The following PLCG2 variants were observed in gnomAD, a reference collection of about 807,000 sequenced individuals.
PLCG2 encodes the protein phospholipase C gamma 2.
Under a neutral mutation model 175.6 loss-of-function variants are expected in PLCG2, and 69 were observed. The observed-to-expected ratio is 0.39, with a 90% CI of 0.32 to 0.48. PLCG2 has a LOEUF of 0.48. Ranked by LOEUF, PLCG2 falls within the 20% of genes least tolerant of loss-of-function variation. The pLI is 0.91. For missense variants in PLCG2, 1,798 were observed against 1,650.9 expected (o/e 1.09, Z -1.54); for synonymous variants, 827 against 624.0 (o/e 1.33, Z -4.85).
At chr16:81,835,782 G>A (rs72832055) in intron 2 of PLCG2, among the ~76,000 whole-genome samples, 42,761 of 151,948 alleles carry the variant, frequency 0.28, 7,206 homozygotes, top group East Asian at 0.58. Context: ...CAGTGCTCCC[G>A]CTGGAGGCTC....
intron 5 of PLCG2, among the ~76,000 whole-genome samples, chr16:81,860,115 G>T (rs11642412): frequency 6.7e-6 from 1 of 149,360 alleles, no homozygotes; most frequent in Non-Finnish European, 1.5e-5. Context: ...GGAACTACAG[G>T]TGTGTTTCAC....
At chr16:81,885,590 T>C (rs565452882) in intron 9 of PLCG2, among the ~76,000 whole-genome samples, 113 of 152,216 alleles carry the variant, frequency 7.4e-4, no homozygotes, top group African/African-American at 2.6e-3. Flanking sequence ...ATTTTGTTTG[T>C]AAATACTTCT....
chr16:81,886,042 T>C (rs546964519), intron 9 of PLCG2, among the ~76,000 whole-genome samples: 2 of 152,302 alleles, frequency 1.3e-5, no homozygotes, highest in South Asian at 2.1e-4. Flanking sequence ...TGCACTTTTT[T>C]CCCTTCATTA....
At chr16:81,829,785 C>T (rs937385483) in intron 2 of PLCG2, among the ~76,000 whole-genome samples, 1 of 152,186 alleles carries the variant, frequency 6.6e-6, no homozygotes, top group East Asian at 1.9e-4. Context: ...TCCTGCTGGG[C>T]ATTTGTGCTG....
chr16:81,848,442 G>A (rs1457386689), intron 2 of PLCG2, among the ~76,000 whole-genome samples: 2 of 152,166 alleles, frequency 1.3e-5, no homozygotes. Flanking sequence ...TAGAATGGCT[G>A]TTAGAATTTC....
At chr16:81,839,013 T>A (rs192384024) in intron 2 of PLCG2, among the ~76,000 whole-genome samples, 2 of 152,162 alleles carry the variant, frequency 1.3e-5, no homozygotes, top group Non-Finnish European at 2.9e-5. Flanking sequence ...CCTTTATGAC[T>A]CACAGAACCA....
chr16:81,776,977 T>C (rs962319820), upstream of PLCG2, among the ~76,000 whole-genome samples: 2 of 152,114 alleles, frequency 1.3e-5, no homozygotes, highest in African/African-American at 4.8e-5. Context: ...GGGCTAGGGG[T>C]TGGTTAGCAA....
At chr16:81,742,809 C>A (rs1169608892) in intron 1 of PLCG2, among the ~76,000 whole-genome samples, 1 of 152,212 alleles carries the variant, frequency 6.6e-6, no homozygotes, top group Non-Finnish European at 1.5e-5. Context: ...TCCTCAGGTT[C>A]TGGGACCCAG....
chr16:81,790,525 C>G (rs1911183818), intron 2 of PLCG2, among the ~76,000 whole-genome samples: 1 of 152,178 alleles, frequency 6.6e-6, no homozygotes, highest in African/African-American at 2.4e-5. Flanking sequence ...CGTTTTATCT[C>G]AAGAAGAACT....
intron 7 of PLCG2, among the ~76,000 whole-genome samples, chr16:81,874,933 G>C (rs571215580): frequency 2.5e-4 from 30 of 120,838 alleles, no homozygotes; most frequent in African/African-American, 8.7e-4. Context: ...CTATTTGCTA[G>C]GCACTATCCT....
intron 2 of PLCG2, 105 bp from the exon 3 acceptor site, chr16:81,854,339 T>G: frequency 1.0e-6 from 1 of 1,004,156 alleles, no homozygotes; most frequent in Non-Finnish European, 1.5e-6. Context: ...GGGATCCTGT[T>G]GGGGAAGGAA....
At chr16:81,743,507 C>T (rs1909640989) in intron 1 of PLCG2, among the ~76,000 whole-genome samples, 1 of 152,220 alleles carries the variant, frequency 6.6e-6, no homozygotes, top group African/African-American at 2.4e-5. Context: ...AGGGACATTT[C>T]CGGAGCCAGA....
intron 13 of PLCG2, among the ~76,000 whole-genome samples, chr16:81,897,482 G>A (rs999009176): frequency 5.3e-5 from 8 of 151,966 alleles, no homozygotes; most frequent in African/African-American, 1.9e-4. Context: ...CCTGCACCTG[G>A]CATAGAGTAA....
intron 1 of PLCG2, among the ~76,000 whole-genome samples, chr16:81,782,654 G>A (rs72834728): frequency 0.1 from 15,717 of 151,862 alleles, 1,093 homozygotes; most frequent in South Asian, 0.28. Flanking sequence ...AGGGCATTTC[G>A]TGAGATACAA....
intron 1 of PLCG2, among the ~76,000 whole-genome samples, chr16:81,753,406 T>C (rs531770571): frequency 1.3e-5 from 2 of 150,864 alleles, no homozygotes; most frequent in South Asian, 4.2e-4. Flanking sequence ...ATTTACCATT[T>C]TGACCATTTA....
At chr16:81,761,017 C>G (rs1910030835) in intron 2 of PLCG2, among the ~76,000 whole-genome samples, 2 of 152,152 alleles carry the variant, frequency 1.3e-5, no homozygotes, top group Non-Finnish European at 2.9e-5. Context: ...GATTCTCCTA[C>G]TTCTCAGTAG....
At chr16:81,955,015 T>C (rs1325876609) in intron 31 of PLCG2, among the ~76,000 whole-genome samples, 1 of 152,168 alleles carries the variant, frequency 6.6e-6, no homozygotes, top group Admixed American at 6.5e-5. Context: ...TTTCCTGACT[T>C]TTTAATATGC....
rs762731399 is a variant in PLCG2, at chr16:81,939,957, C to A, written c.3379C>A (p.Pro1127Thr). The change falls in exon 30 of 33, where the codon CCA becomes ACA. Residue 1127 changes from proline (P) to threonine (T), a missense_variant. Physicochemically the swap from Pro to Thr is conservative, Grantham distance 38 (BLOSUM62 -1). Transcript: ENST00000564138. ...QEKVTFEIYD[P>T]NLAFLRFVVY... ...GAAGGTGACATTTGAAATTTATGACCCAAACCTGGCATTTCTGCGCTTTGT... is the reference window on the plus strand; with the variant it reads ...GAAGGTGACATTTGAAATTTATGACACAAACCTGGCATTTCTGCGCTTTGT... The A allele has an allele frequency of 2.5e-6, 4 of 1,613,706 alleles. No homozygotes were observed. The highest frequency in any genetic ancestry group is 3.4e-6 in the Non-Finnish European group (4 of 1,179,724).
At position 81,912,542 on chromosome 16, in the gene PLCG2, C is replaced by T; in HGVS notation, c.1935-55C>T. The stretch of plus-strand genomic sequence containing the variant: ...ATTATCTTGTCCTCTGCGGGTGGCC[C>T]ACTGACAGCCTGGAGACCGCTCACC... On this transcript the variant is annotated intron_variant, in intron 18 of 32. Transcript: ENST00000564138. 3.1e-6 allele frequency: 5 copies of T among 1,599,610 alleles called. No homozygotes were observed. The South Asian group carries it at 5.7e-5, about 18-fold the overall frequency.
Sources: gnomAD v4.1 joint callset for allele counts (sites outside exome capture counted in the v4.1 genomes callset) on GRCh38, gnomAD v4.1.1 for gene constraint, MANE v1.5 for transcripts, NCBI Gene and HGNC (gene_info 2026-07-23, HGNC 2026-07-21) for gene names.